The following SCLT1 variants were observed in gnomAD, a reference collection of about 807,000 sequenced individuals.
SCLT1 encodes sodium channel-associated protein 1.
A neutral mutation model predicts 112.8 loss-of-function variants in SCLT1; 78 were observed. The observed-to-expected ratio is 0.69, with a 90% CI of 0.58 to 0.83. The LOEUF (loss-of-function observed/expected upper bound fraction) is 0.83, where lower values mean the gene tolerates loss of function less well. SCLT1 is among the 40% of genes least tolerant of loss of function. SCLT1 has a pLI of 0.00. For missense variants in SCLT1, 747 were observed against 770.4 expected (o/e 0.97, Z 0.36); for synonymous variants, 257 against 254.7 (o/e 1.01, Z -0.09).
At chr4:129,029,457 C>G (rs951577256) in intron 5 of SCLT1, among the ~76,000 whole-genome samples, 1 of 149,092 alleles carries the variant, frequency 6.7e-6, no homozygotes, top group African/African-American at 2.5e-5. Context: ...TGTTCTCACT[C>G]ATAGGTGGGA....
rs1194957465 is a variant in SCLT1 at position 128,959,457 on chromosome 4, G to A, written c.1047+143C>T. ...GATGATATCTGGTTTTACCATCCAA[G>A]AATATGGATGATTACTAATGAAAAG... is the stretch of plus-strand genomic sequence containing the variant. On this transcript the variant is annotated intron_variant, in intron 12 of 20. Transcript: ENST00000281142. 7.9e-6 allele frequency: 5 copies of A among 635,206 alleles called. No individual in the cohort carries two copies. In the East Asian group the frequency reaches 8.3e-5, roughly 11 times the overall value. 39.3% of individuals were successfully genotyped at this position (635,206 alleles called of 1,614,324 possible).
rs756956857 is a variant in SCLT1, at chr4:128,943,163, G to GGTAACGTGATATTTCTTC, written c.1447_1464dup (p.Glu483_Tyr488dup). ...TTTTGAAGTTTCTGAATCATTTCTTGGTAACGTGATATTTCTTCTGAGGAG... is the reference window on the plus strand; with the variant it reads ...TTTTGAAGTTTCTGAATCATTTCTTGGTAACGTGATATTTCTTCGTAACGTGATATTTCTTCTGAGGAG... On this transcript the variant is annotated inframe_insertion, in exon 17 of 21. Coordinates refer to ENST00000281142, the MANE Select transcript of SCLT1 (RefSeq NM_144643.4). 8 of 1,607,318 alleles carry GGTAACGTGATATTTCTTC rather than the reference G, an allele frequency of 5.0e-6. No individual in the cohort carries two copies. The highest frequency in any genetic ancestry group is 6.8e-6 in the Non-Finnish European group (8 of 1,177,304).
At chr4:128,922,586 T>C (rs1277590645) in intron 18 of SCLT1, among the ~76,000 whole-genome samples, 3 of 152,026 alleles carry the variant, frequency 2.0e-5, no homozygotes, top group Admixed American at 6.6e-5. Context: ...CACTTACAAG[T>C]GAGAGCTAAA....
At chr4:129,090,031 T>G (rs920740867) in intron 1 of SCLT1, among the ~76,000 whole-genome samples, 1 of 152,126 alleles carries the variant, frequency 6.6e-6, no homozygotes, top group African/African-American at 2.4e-5. Context: ...AGAAATGTTA[T>G]TTCTACATAC....
At chr4:128,949,178 T>C (rs1738468348) in intron 14 of SCLT1, among the ~76,000 whole-genome samples, 2 of 151,408 alleles carry the variant, frequency 1.3e-5, no homozygotes, top group South Asian at 4.2e-4. Context: ...TATTTGTATT[T>C]ATACATTTAT....
intron 3 of SCLT1, among the ~76,000 whole-genome samples, chr4:128,877,646 C>T (rs1450914515): frequency 2.0e-5 from 3 of 151,706 alleles, no homozygotes; most frequent in Admixed American, 1.3e-4. Context: ...GTGCCACTGC[C>T]CTCCAGCCTG....
At chr4:128,901,227 T>C (rs936976248) in intron 18 of SCLT1, among the ~76,000 whole-genome samples, 2 of 152,172 alleles carry the variant, frequency 1.3e-5, no homozygotes, top group African/African-American at 4.8e-5. Flanking sequence ...CACACATATG[T>C]TTATTGTGGC....
chr4:128,979,719 GT>G (rs1741484607), intron 9 of SCLT1, among the ~76,000 whole-genome samples: 1 of 152,066 alleles, frequency 6.6e-6, no homozygotes, highest in Non-Finnish European at 1.5e-5. Context: ...CAAATGTAGC[GT>G]ATCTGCAAAA....
At position 128,924,028 on chromosome 4, in the gene SCLT1, G is replaced by A. The variant is rs1006024143; in HGVS notation, c.1829+12627C>T. 4.0e-5 allele frequency among the ~76,000 whole-genome samples: 6 copies of A among 151,816 alleles called. No homozygotes were observed. The South Asian group carries it at 1.2e-3, about 32-fold the overall frequency. On this transcript the variant is annotated intron_variant, in intron 18 of 20. Coordinates refer to ENST00000281142, the MANE Select transcript of SCLT1 (RefSeq NM_144643.4). ...GAGGTCTCACTCTGTTGCCCAGGTT[G>A]GTCTATGTGTGGATGTGTTTTCATT...
chr4:128,985,904 C>T (rs747832973), intron 9 of SCLT1, among the ~76,000 whole-genome samples: 12 of 152,078 alleles, frequency 7.9e-5, no homozygotes, highest in Non-Finnish European at 1.3e-4. Context: ...AAATATTTCT[C>T]TAAGGAGAGG....
At chr4:128,938,957 G>C (rs1737447527) in intron 17 of SCLT1, among the ~76,000 whole-genome samples, 1 of 152,100 alleles carries the variant, frequency 6.6e-6, no homozygotes, top group Non-Finnish European at 1.5e-5. Flanking sequence ...ACTCTAGCCT[G>C]GGCAACAGAG....
At chr4:129,048,798 C>T (rs1362551443) in intron 2 of SCLT1, among the ~76,000 whole-genome samples, 1 of 152,090 alleles carries the variant, frequency 6.6e-6, no homozygotes, top group African/African-American at 2.4e-5. Flanking sequence ...AAACAAATAA[C>T]CCCATCAAAA....
intron 18 of SCLT1, among the ~76,000 whole-genome samples, chr4:128,918,748 G>A (rs1397020721): frequency 1.3e-5 from 2 of 151,822 alleles, no homozygotes; most frequent in Non-Finnish European, 2.9e-5. Flanking sequence ...AAAACCAAAT[G>A]GAAAACAGAA....
chr4:128,888,812 ATG>A, intron 19 of SCLT1, 38 bp from the exon 20 acceptor site: 1 of 1,241,926 alleles, frequency 8.1e-7, no homozygotes. Context: ...AGAAATCCAT[ATG>A]TGACATGGAG....
intron 2 of SCLT1, among the ~76,000 whole-genome samples, chr4:129,077,691 T>G (rs189270286): frequency 6.6e-6 from 1 of 152,146 alleles, no homozygotes; most frequent in African/African-American, 2.4e-5. Flanking sequence ...AACAACTAAG[T>G]TACAGTGATA....
At chr4:129,081,697 T>G (rs889856395) in intron 2 of SCLT1, among the ~76,000 whole-genome samples, 2 of 152,178 alleles carry the variant, frequency 1.3e-5, no homozygotes, top group South Asian at 4.1e-4. Context: ...CACTGGAGAT[T>G]ACAATTCCAC....
At chr4:129,067,031 G>A (rs1198207413) in intron 2 of SCLT1, among the ~76,000 whole-genome samples, 3 of 151,964 alleles carry the variant, frequency 2.0e-5, no homozygotes, top group Non-Finnish European at 4.4e-5. Flanking sequence ...AACAAATATG[G>A]CAAAAAGTTA....
At chr4:129,018,321 T>C (rs2126116723) in intron 5 of SCLT1, among the ~76,000 whole-genome samples, 1 of 152,374 alleles carries the variant, frequency 6.6e-6, no homozygotes, top group South Asian at 2.1e-4. Context: ...TAAGCCAATC[T>C]ATCATATTTG....
intron 5 of SCLT1, among the ~76,000 whole-genome samples, chr4:129,021,740 A>C (rs979240103): frequency 2.0e-5 from 3 of 152,200 alleles, no homozygotes; most frequent in Admixed American, 2.0e-4. Flanking sequence ...CAGCAGATTT[A>C]ATCGTTCCTG....
Sources: gnomAD v4.1 joint callset for allele counts (sites outside exome capture counted in the v4.1 genomes callset) on GRCh38, gnomAD v4.1.1 for gene constraint, MANE v1.5 for transcripts, NCBI Gene and HGNC (gene_info 2026-07-23, HGNC 2026-07-21) for gene names.